CDH12: variants seen among roughly 807,000 people sequenced by gnomAD.
The protein encoded by CDH12 is cadherin-12.
A neutral mutation model predicts 74.1 loss-of-function variants in CDH12; 41 were observed. The ratio of observed to expected loss-of-function variants is 0.55; its 90% CI spans 0.43 to 0.72. The LOEUF (loss-of-function observed/expected upper bound fraction) is 0.72. Among genes scored for constraint, CDH12 ranks in the 30% least tolerant of loss-of-function variants. The probability of loss-of-function intolerance (pLI) is 0.00; values close to 1 mark genes in which losing one functional copy is unlikely to be tolerated. For missense variants in CDH12, 945 were observed against 977.2 expected (o/e 0.97, Z 0.44); for synonymous variants, 399 against 355.0 (o/e 1.12, Z -1.39).
intron 4 of CDH12, among the ~76,000 whole-genome samples, chr5:22,196,652 A>G (rs1561210662): frequency 6.6e-6 from 1 of 152,100 alleles, no homozygotes; most frequent in Non-Finnish European, 1.5e-5. Flanking sequence ...CTGCAAGGGG[A>G]CTAGAGACAT....
chr5:22,303,405 G>A (rs1469256350), intron 3 of CDH12, among the ~76,000 whole-genome samples: 2 of 151,934 alleles, frequency 1.3e-5, no homozygotes, highest in Non-Finnish European at 2.9e-5. Context: ...ACTTGAAAGT[G>A]TTTATATTAT....
intron 2 of CDH12, among the ~76,000 whole-genome samples, chr5:22,476,503 A>G (rs980523839): frequency 2.6e-5 from 4 of 152,122 alleles, no homozygotes; most frequent in African/African-American, 9.7e-5. Context: ...TCCCAAATTA[A>G]TAAATCAGGA....
intron 3 of CDH12, among the ~76,000 whole-genome samples, chr5:22,261,546 T>C (rs932709142): frequency 2.0e-5 from 3 of 152,080 alleles, no homozygotes; most frequent in Admixed American, 6.6e-5. Context: ...AAGTTCATAC[T>C]GGGCTCATCT....
chr5:22,517,748 G>A (rs1337692667), intron 1 of CDH12, among the ~76,000 whole-genome samples: 1 of 152,086 alleles, frequency 6.6e-6, no homozygotes, highest in Non-Finnish European at 1.5e-5. Context: ...TCTAGTCATG[G>A]TTCCACAGTA....
At chr5:22,117,468 A>C (rs191875949) in intron 4 of CDH12, among the ~76,000 whole-genome samples, 1 of 75,984 alleles carries the variant, frequency 1.3e-5, no homozygotes, top group East Asian at 4.7e-4. Context: ...TTATATATAT[A>C]ATATATATAT....
intron 2 of CDH12, among the ~76,000 whole-genome samples, chr5:22,464,219 T>C (rs1452079589): frequency 6.6e-6 from 1 of 152,206 alleles, no homozygotes; most frequent in Non-Finnish European, 1.5e-5. Context: ...CCCTGATGAT[T>C]GTGAGGCTTC....
chr5:21,802,177 T>G lies in CDH12; in HGVS notation c.1246A>C (p.Ser416Arg). Residue 416 changes from serine (S) to arginine (R), a missense_variant, in exon 10 of 15, where the codon AGT becomes CGT. Around this residue, in one of 3 missense-constraint regions of CDH12, gnomAD observed 791 missense variants for 792.8 expected, o/e 1.00. Coordinates refer to ENST00000382254, the MANE Select transcript of CDH12 (RefSeq NM_004061.5). Reference protein sequence around the residue: ...VTAQDLDVGSSAVRYFIDWKS... With the variant: ...VTAQDLDVGSRAVRYFIDWKS... ...GTTTCTTTTTCTCACCTAACAGCAC[T>G]GCTGCCTACATCCAGGTCTTGAGCA... 2.5e-6 allele frequency: 4 copies of G among 1,613,692 alleles called. No individual in the cohort carries two copies. The highest frequency in any genetic ancestry group is 3.4e-6 in the Non-Finnish European group (4 of 1,179,772).
chr5:22,355,259 GA>G (rs1740513755), intron 3 of CDH12, among the ~76,000 whole-genome samples: 1 of 152,080 alleles, frequency 6.6e-6, no homozygotes, highest in Admixed American at 6.6e-5. Flanking sequence ...GCCAAGAGGG[GA>G]TTCTGTCATT....
At chr5:22,268,623 C>T (rs577261620) in intron 3 of CDH12, among the ~76,000 whole-genome samples, 1 of 152,084 alleles carries the variant, frequency 6.6e-6, no homozygotes, top group South Asian at 2.1e-4. Context: ...TAGGCAATGT[C>T]CATAGCTAAC....
At chr5:22,786,032 T>G (rs550856745) in intron 1 of CDH12, among the ~76,000 whole-genome samples, 27 of 152,210 alleles carry the variant, frequency 1.8e-4, no homozygotes, top group African/African-American at 6.5e-4. Context: ...CATTGGAGCA[T>G]TATTCACAAT....
chr5:22,001,722 C>CT (rs568408820), intron 5 of CDH12, among the ~76,000 whole-genome samples: 260 of 148,550 alleles, frequency 1.8e-3, no homozygotes, highest in South Asian at 0.013. Context: ...CTTTTTGCTG[C>CT]TTTTTTTTTT....
intron 1 of CDH12, among the ~76,000 whole-genome samples, chr5:22,526,082 T>C (rs1737263119): frequency 6.6e-6 from 1 of 152,186 alleles, no homozygotes; most frequent in Non-Finnish European, 1.5e-5. Flanking sequence ...TCTTTACTCA[T>C]TTCTTCACTA....
intron 3 of CDH12, among the ~76,000 whole-genome samples, chr5:22,294,650 A>G (rs940991858): frequency 2.6e-5 from 4 of 152,158 alleles, no homozygotes. Flanking sequence ...GCCTCCACAG[A>G]GAAGATTAGG....
chr5:22,187,588 T>G (rs1750031848), intron 4 of CDH12, among the ~76,000 whole-genome samples: 1 of 149,906 alleles, frequency 6.7e-6, no homozygotes, highest in Non-Finnish European at 1.5e-5. Context: ...GCTGCCTACA[T>G]TTCTTCCTGT....
chr5:22,126,900 C>T (rs1745900954), intron 4 of CDH12, among the ~76,000 whole-genome samples: 1 of 152,194 alleles, frequency 6.6e-6, no homozygotes, highest in Non-Finnish European at 1.5e-5. Flanking sequence ...AACAGGTTCT[C>T]TCATGTTCCC....
intron 3 of CDH12, among the ~76,000 whole-genome samples, chr5:22,337,347 T>C (rs574508937): frequency 6.6e-6 from 1 of 152,320 alleles, no homozygotes; most frequent in East Asian, 1.9e-4. Flanking sequence ...ATGATTGGTT[T>C]TGAAATGTGA....
chr5:22,556,116 T>G (rs73742116), intron 1 of CDH12, among the ~76,000 whole-genome samples: 3,315 of 152,134 alleles, frequency 0.022, 117 homozygotes, highest in African/African-American at 0.077. Flanking sequence ...AAAATAAATT[T>G]TAACATGTGC....
In CDH12 at chr5:22,137,897, A is replaced by C. The variant is rs539916319; in HGVS notation, c.-186-59035T>G. Among the ~76,000 whole-genome samples the C allele has an allele frequency of 4.4e-4, 67 of 152,266 alleles. No individual in the cohort carries two copies. In the South Asian group the frequency reaches 7.9e-3, roughly 18 times the overall value. ...CCTCTTTTATTTCTCTGTGTACACT[A>C]CTGCTCATTTCAGAAAATGACAGTT... On this transcript the variant is annotated intron_variant, in intron 4 of 14. Coordinates refer to ENST00000382254, the MANE Select transcript of CDH12 (RefSeq NM_004061.5).
At chr5:22,665,373 G>A (rs1053486357) in intron 1 of CDH12, among the ~76,000 whole-genome samples, 1 of 152,132 alleles carries the variant, frequency 6.6e-6, no homozygotes, top group African/African-American at 2.4e-5. Flanking sequence ...AGAGACTTAA[G>A]GGGAGCAAAA....
Sources: gnomAD v4.1 joint callset for allele counts (sites outside exome capture counted in the v4.1 genomes callset) on GRCh38, gnomAD v4.1.1 for gene constraint, gnomAD v4.1.1 regional missense constraint, MANE v1.5 for transcripts, NCBI Gene and HGNC (gene_info 2026-07-23, HGNC 2026-07-21) for gene names.